FARSB: variants seen among roughly 807,000 people sequenced by gnomAD.
The protein encoded by FARSB is phenylalanyl-tRNA synthetase subunit beta, also known as phenylalanine--tRNA ligase beta subunit.
A neutral mutation model predicts 69.6 loss-of-function variants in FARSB; 40 were observed. The ratio of observed to expected loss-of-function variants is 0.57; its 90% CI spans 0.45 to 0.75. The LOEUF (loss-of-function observed/expected upper bound fraction) is 0.75. Ranked by LOEUF, FARSB falls within the 30% of genes least tolerant of loss-of-function variation. The pLI, the probability that FARSB is intolerant of heterozygous loss-of-function variation, is 0.00. For synonymous variants in FARSB, 235 were observed against 247.2 expected, an observed-to-expected ratio of 0.95 and a Z score of 0.46; for missense variants, 632 against 722.9, an observed-to-expected ratio of 0.87 and a Z score of 1.44.
Position 222,624,463 on chromosome 2 carries a change from G to A in FARSB, c.979C>T (p.Leu327Phe). The A allele has an allele frequency of 6.2e-7, 1 of 1,610,764 alleles. No individual in the cohort carries two copies. Among genetic ancestry groups the A allele is most frequent in the Non-Finnish European group, 8.5e-7 (1 of 1,177,048 alleles). ...KVGIRETPEN[L>F]AKLLTRMYLK... is the part of the protein sequence containing the mutation. ...TACATCCTGGTCAGAAGTTTGGCAA[G>A]ATTTTCTGGAGTTTCTCTGAAAAAG... Residue 327 changes from leucine (L) to phenylalanine (F), a missense_variant, in exon 12 of 17, where the codon CTT becomes TTT. By Grantham distance (22) the Leu-to-Phe change is conservative (BLOSUM62 0). Transcript: ENST00000281828.
At chr2:222,591,091 G>T (rs756098723) in intron 16 of FARSB, among the ~76,000 whole-genome samples, 2 of 151,688 alleles carry the variant, frequency 1.3e-5, no homozygotes, top group South Asian at 4.2e-4. Flanking sequence ...CTATAGTCCT[G>T]GCTACCTGGG....
At chr2:222,619,827 CAATTTATATTCTCTACACAT>C in intron 13 of FARSB, 90 bp from the exon 14 acceptor site, 1 of 711,690 alleles carries the variant, frequency 1.4e-6, no homozygotes, top group Non-Finnish European at 2.5e-6. Flanking sequence ...CTTCTAAGAG[CAATTTATATTCTCTACACAT>C]ATCAGCAAGT....
At chr2:222,653,392 G>C (rs569468907) in intron 1 of FARSB, among the ~76,000 whole-genome samples, 1 of 149,354 alleles carries the variant, frequency 6.7e-6, no homozygotes, top group African/African-American at 2.5e-5. Context: ...GTGTGAATGA[G>C]ACATTATCTG....
At chr2:222,609,548 C>G (rs1574929825) in intron 15 of FARSB, among the ~76,000 whole-genome samples, 1 of 152,322 alleles carries the variant, frequency 6.6e-6, no homozygotes, top group East Asian at 1.9e-4. Flanking sequence ...ATGCATAAAT[C>G]AGCTGAGTCC....
Position 222,602,917 on chromosome 2 carries a change from C to T in FARSB, c.1463-2834G>A, listed in dbSNP as rs1322154195. ...TATTATAACATGGGTCTTTTCTTCC[C>T]TTAGAGCTTGAAATTAGACATATTG... On this transcript the variant is annotated intron_variant, in intron 15 of 16. Coordinates refer to ENST00000281828, the MANE Select transcript of FARSB (RefSeq NM_005687.5). 4.6e-5 allele frequency among the ~76,000 whole-genome samples: 7 copies of T among 151,784 alleles called. No individual in the cohort carries two copies. The East Asian group carries it at 1.4e-3, about 29-fold the overall frequency.
At chr2:222,636,070 ACTCTG>A (rs1157397293) in intron 5 of FARSB, among the ~76,000 whole-genome samples, 3 of 147,832 alleles carry the variant, frequency 2.0e-5, no homozygotes, top group Non-Finnish European at 4.5e-5. Context: ...ACAAGGTGAG[ACTCTG>A]TCTCAAAAAA....
Position 222,570,878 on chromosome 2 carries a change from TA to T in FARSB, c.*992del, listed in dbSNP as rs937353292. On this transcript the variant is annotated 3_prime_UTR_variant, in exon 17 of 17. Coordinates refer to ENST00000281828, the MANE Select transcript of FARSB (RefSeq NM_005687.5). ...AAGTATTATATTTTATCATATTTCT[TA>T]TTACTTCAATAGTACCTGGGAACTT... is the stretch of plus-strand genomic sequence containing the variant. 6.6e-6 allele frequency: 1 copy of T among 152,160 alleles called. No homozygotes were observed. The highest frequency in any genetic ancestry group is 1.5e-5 in the Non-Finnish European group (1 of 68,036). 9.4% of individuals were successfully genotyped at this position (152,160 alleles called of 1,614,324 possible). A position where few individuals can be genotyped will look rare whatever the true frequency, so the allele number is the denominator to read the frequency against.
In FARSB at chr2:222,588,247, C is replaced by G. The variant is rs1440800816; in HGVS notation, c.1618+11681G>C. On this transcript the variant is annotated intron_variant, in intron 16 of 16. Coordinates refer to ENST00000281828, the MANE Select transcript of FARSB (RefSeq NM_005687.5). ...ACGTAATCCAGCATATAAACAGAAC[C>G]AAAGACAAAAACCACATGATTATCT... Among the ~76,000 whole-genome samples, 4 of 152,038 alleles carry G rather than the reference C, an allele frequency of 2.6e-5. No individual in the cohort carries two copies. The East Asian group carries it at 7.7e-4, about 29-fold the overall frequency.
chr2:222,652,045 T>A (rs895638), intron 1 of FARSB, among the ~76,000 whole-genome samples: 51,429 of 152,052 alleles, frequency 0.34, 8,970 homozygotes, highest in Middle Eastern at 0.46. Context: ...CCCTTTGAAG[T>A]GGAAGGGCTA....
At chr2:222,578,522 T>A (rs2106177589) in intron 16 of FARSB, among the ~76,000 whole-genome samples, 1 of 152,314 alleles carries the variant, frequency 6.6e-6, no homozygotes, top group East Asian at 1.9e-4. Context: ...AGAGTAAGAT[T>A]TCAGGTGACA....
intron 16 of FARSB, among the ~76,000 whole-genome samples, chr2:222,590,308 T>C (rs1232065479): frequency 6.6e-6 from 1 of 151,856 alleles, no homozygotes; most frequent in Non-Finnish European, 1.5e-5. Flanking sequence ...AGGTAGGAAT[T>C]GTACAATGAG....
At position 222,631,632 on chromosome 2, in the gene FARSB, A is replaced by G. The variant is rs1181222263; in HGVS notation, c.758T>C (p.Ile253Thr). 20 of 1,570,774 alleles carry G rather than the reference A, an allele frequency of 1.3e-5. No homozygotes were observed. Among genetic ancestry groups the G allele is most frequent in the Non-Finnish European group, 1.6e-5 (18 of 1,141,072 alleles). The change falls in exon 8 of 17, where the codon ATT becomes ACT. Residue 253 changes from isoleucine to threonine, a missense_variant. Physicochemically the swap from Ile to Thr is moderately conservative, Grantham distance 89. Coordinates refer to ENST00000281828, the MANE Select transcript of FARSB (RefSeq NM_005687.5). ...RITVNTRNIF[I>T]ECTGTDFTKA... ...AGTAAAGTCAGTTCCCGTGCATTCA[A>G]TAAAAATATTTCTAGTATTTACTGT...
rs151060195 is a variant in FARSB, at chr2:222,622,509, C to A, written c.1251+1141G>T. Among the ~76,000 whole-genome samples, 373 of 152,194 alleles carry A rather than the reference C, an allele frequency of 2.5e-3. 1 individual carries two copies. The highest frequency in any genetic ancestry group is 8.3e-3 in the African/African-American group (344 of 41,516). On this transcript the variant is annotated intron_variant, in intron 13 of 16. Coordinates refer to ENST00000281828, the MANE Select transcript of FARSB (RefSeq NM_005687.5). ...TAAAATAAGATGTATTCCTGTGACA[C>A]TCATATGTTTTAAAAAATAAAAATA...
intron 10 of FARSB, 103 bp from the exon 11 acceptor site, chr2:222,624,878 T>C (rs944925492): frequency 2.3e-5 from 15 of 665,134 alleles, no homozygotes; most frequent in East Asian, 1.7e-4. Context: ...TCCCAAGAAA[T>C]TGTCATTAGA....
At position 222,599,954 on chromosome 2, in the gene FARSB, C is replaced by A. The variant is rs936948545; in HGVS notation, c.1592G>T (p.Gly531Val). The A allele has an allele frequency of 5.6e-6, 9 of 1,604,944 alleles. No individual in the cohort carries two copies. The highest frequency in any genetic ancestry group is 6.8e-6 in the Non-Finnish European group (8 of 1,177,970). ...TTCTGATGCTTTGATCACATATCCC[C>A]CCTTGTCTTCACCAGGAGGCACATC... is the stretch of plus-strand genomic sequence containing the variant. ...LLDVPPGEDK[G>V]GYVIKASEGP... Residue 531 changes from glycine to valine, a missense_variant, in exon 16 of 17, where the codon GGG becomes GTG. Physicochemically the swap from Gly to Val is moderately radical, Grantham distance 109 (BLOSUM62 -3). Transcript: ENST00000281828.
rs539301064 is a variant in FARSB, at chr2:222,594,451, C to T, written c.1618+5477G>A. 8.5e-5 allele frequency among the ~76,000 whole-genome samples: 13 copies of T among 152,100 alleles called. No homozygotes were observed. The South Asian group carries it at 1.9e-3, about 22-fold the overall frequency. On this transcript the variant is annotated intron_variant, in intron 16 of 16. Transcript: ENST00000281828. ...TTTTAAATTTAACTTAAAAATTTTG[C>T]TTAGTTATTGATAACCCTGCATCGA...
intron 15 of FARSB, among the ~76,000 whole-genome samples, chr2:222,610,503 G>T (rs56062120): frequency 6.6e-6 from 1 of 150,698 alleles, no homozygotes; most frequent in Non-Finnish European, 1.5e-5. Flanking sequence ...ATAAAAAATA[G>T]AAAAAATAGA....
Position 222,576,384 on chromosome 2 carries a change from AG to A in FARSB, c.1619-4363del, listed in dbSNP as rs370201861. Among the ~76,000 whole-genome samples, 911 of 151,646 alleles carry A rather than the reference AG, an allele frequency of 6.0e-3. 11 individuals are homozygous for A. The highest frequency in any genetic ancestry group is 0.021 in the African/African-American group (848 of 41,326). The stretch of plus-strand genomic sequence containing the variant: ...ATAAAGAGATAAGAACAAAATATAA[AG>A]GGGGGGGCAGGGAACACTGGAAAAG... On this transcript the variant is annotated intron_variant, in intron 16 of 16. Transcript: ENST00000281828.
At chr2:222,575,222 T>A (rs13009608) in intron 16 of FARSB, among the ~76,000 whole-genome samples, 1 of 152,032 alleles carries the variant, frequency 6.6e-6, no homozygotes, top group Non-Finnish European at 1.5e-5. Flanking sequence ...AGGACTAATG[T>A]GCCGTAAAGC....
Sources: allele counts gnomAD v4.1 joint callset (sites outside exome capture counted in the v4.1 genomes callset), GRCh38; gene constraint gnomAD v4.1.1; transcripts MANE v1.5; gene names NCBI Gene and HGNC (gene_info 2026-07-23, HGNC 2026-07-21).